SPON1: variants seen among roughly 807,000 people sequenced by gnomAD.
SPON1 encodes spondin 1, also known as spondin-1.
SPON1 carries 52 observed loss-of-function variants against 111.7 expected under a neutral mutation model. That is an observed-to-expected ratio of 0.47 (90% confidence interval 0.37 to 0.59). The LOEUF (loss-of-function observed/expected upper bound fraction) is 0.59, where lower values mean the gene tolerates loss of function less well. SPON1 is among the 20% of genes least tolerant of loss of function. The pLI is 0.00. For synonymous variants in SPON1, 410 were observed against 395.8 expected (o/e 1.04, Z -0.43); for missense variants, 957 against 1,068.5 (o/e 0.90, Z 1.46).
rs1388977371 is a variant in SPON1 at position 14,228,731 on chromosome 11, A to G, written c.826-14601A>G. Among the ~76,000 whole-genome samples, 1 of 152,166 alleles carries G rather than the reference A, an allele frequency of 6.6e-6. No homozygotes were observed. Among genetic ancestry groups the G allele is most frequent in the Middle Eastern group, 3.2e-3 (1 of 316 alleles). ...AAGTAAGTCCTTCACTCCTGAAGAGAGATCTGGACAGAGCGTCACATTGTC... is the reference window on the plus strand; with the variant it reads ...AAGTAAGTCCTTCACTCCTGAAGAGGGATCTGGACAGAGCGTCACATTGTC... On this transcript the variant is annotated intron_variant, in intron 6 of 15. Coordinates refer to ENST00000576479, the MANE Select transcript of SPON1 (RefSeq NM_006108.4). This position sits in a 1 kb window ranked among gnomAD's most constrained non-coding sequence, Gnocchi z 4.2.
Position 14,197,648 on chromosome 11 carries a change from C to CAAA in SPON1, c.826-45668_826-45666dup, listed in dbSNP as rs11343423. Among the ~76,000 whole-genome samples the CAAA allele has an allele frequency of 8.7e-3, 1,039 of 119,878 alleles. 10 individuals are homozygous for CAAA. The highest frequency in any genetic ancestry group is 0.013 in the Middle Eastern group (3 of 230). The allele number at this position is 119,878 out of a possible 152,430, so 78.6% of individuals were successfully genotyped here. ...TGGAACCGCACCTCTACTAAATATA[C>CAAA]AAAAAAAAAAAAAAAAAATTAGCTG... On this transcript the variant is annotated intron_variant, in intron 6 of 15. Transcript: ENST00000576479.
At chr11:14,207,860 C>T (rs1450671795) in intron 6 of SPON1, among the ~76,000 whole-genome samples, 3 of 152,132 alleles carry the variant, frequency 2.0e-5, no homozygotes, top group Non-Finnish European at 2.9e-5. Context: ...TGGGTATATA[C>T]CCAAAAGAAT....
chr11:14,249,412 G>C (rs1237806347), intron 7 of SPON1, among the ~76,000 whole-genome samples: 1 of 152,194 alleles, frequency 6.6e-6, no homozygotes, highest in Non-Finnish European at 1.5e-5. Flanking sequence ...GATGGACCTG[G>C]AGTCCTAGAT....
chr11:13,978,287 G>A (rs1848118008), intron 1 of SPON1, among the ~76,000 whole-genome samples: 2 of 152,078 alleles, frequency 1.3e-5, no homozygotes, highest in Admixed American at 1.3e-4. Context: ...ATCACAAAGA[G>A]CATACTGGGA....
intron 3 of SPON1, among the ~76,000 whole-genome samples, chr11:14,071,763 G>A (rs955593897): frequency 7.2e-5 from 11 of 152,062 alleles, no homozygotes; most frequent in African/African-American, 2.7e-4. Flanking sequence ...CCAGGCTGGA[G>A]TTCAGTGGTG....
chr11:14,025,083 A>G (rs1449180420), intron 2 of SPON1, among the ~76,000 whole-genome samples: 2 of 152,126 alleles, frequency 1.3e-5, no homozygotes, highest in African/African-American at 4.8e-5. Context: ...AAAGTAAGAG[A>G]CTGGGGGTGC....
At chr11:14,009,891 G>T (rs532956308) in intron 2 of SPON1, among the ~76,000 whole-genome samples, 1 of 152,128 alleles carries the variant, frequency 6.6e-6, no homozygotes. Flanking sequence ...ACTTCCCAAA[G>T]GTTCCACCAC....
At chr11:14,129,239 A>G (rs1445921010) in intron 5 of SPON1, among the ~76,000 whole-genome samples, 2 of 152,140 alleles carry the variant, frequency 1.3e-5, no homozygotes, top group African/African-American at 4.8e-5. Context: ...TCCCTTTTAA[A>G]CATAAGTTCC....
chr11:14,062,414 A>G (rs539765117), intron 3 of SPON1, among the ~76,000 whole-genome samples: 20 of 152,338 alleles, frequency 1.3e-4, no homozygotes, highest in African/African-American at 4.8e-4. Flanking sequence ...GAAGGGTACT[A>G]GACACATGGA....
At chr11:14,091,779 G>A (rs1849060599) in intron 5 of SPON1, among the ~76,000 whole-genome samples, 1 of 152,226 alleles carries the variant, frequency 6.6e-6, no homozygotes, top group South Asian at 2.1e-4. Context: ...GGCTCCCACA[G>A]TGCAGTGGGG....
At chr11:14,225,833 A>T (rs1554938086) in intron 6 of SPON1, among the ~76,000 whole-genome samples, 1 of 152,238 alleles carries the variant, frequency 6.6e-6, no homozygotes, top group Admixed American at 6.5e-5. Context: ...CGTGATGTTT[A>T]AGAGAACTGC....
At chr11:14,010,010 G>A (rs1213583083) in intron 2 of SPON1, among the ~76,000 whole-genome samples, 5 of 152,188 alleles carry the variant, frequency 3.3e-5, no homozygotes, top group Non-Finnish European at 7.3e-5. Flanking sequence ...GAGGACAGGG[G>A]CCACTATATT....
chr11:14,134,683 C>G (rs1198026116), intron 5 of SPON1, among the ~76,000 whole-genome samples: 1 of 152,210 alleles, frequency 6.6e-6, no homozygotes, highest in Non-Finnish European at 1.5e-5. Context: ...TTGCTTACCT[C>G]TCCAGCTCTC....
rs542265823 is a variant in SPON1, at chr11:14,136,560, C to A, written c.825+992C>A. 1.1e-4 allele frequency among the ~76,000 whole-genome samples: 16 copies of A among 152,298 alleles called. No individual in the cohort carries two copies. In the East Asian group the frequency reaches 2.9e-3, roughly 28 times the overall value. ...CAGCAGGGCAAGCACAGCTGAGGCC[C>A]GCAGTGTTCCCCACCATCTGGACTC... On this transcript the variant is annotated intron_variant, in intron 6 of 15. Coordinates refer to ENST00000576479, the MANE Select transcript of SPON1 (RefSeq NM_006108.4).
chr11:14,135,620 A>G lies in SPON1; in HGVS notation c.825+52A>G. On this transcript the variant is annotated intron_variant, in intron 6 of 15. Transcript: ENST00000576479. This position sits in a 1 kb window ranked among gnomAD's most constrained non-coding sequence, Gnocchi z 4.4. ...CAAATAACAGAAATGCAGTCAAAGC[A>G]CTCCTTAGATATCTTTCCCAGGGGC... The G allele has an allele frequency of 1.3e-6, 2 of 1,571,834 alleles. No individual in the cohort carries two copies. Among genetic ancestry groups the G allele is most frequent in the South Asian group, 2.3e-5 (2 of 87,224 alleles).
intron 6 of SPON1, among the ~76,000 whole-genome samples, chr11:14,216,973 G>A (rs1053638179): frequency 6.6e-6 from 1 of 152,228 alleles, no homozygotes; most frequent in South Asian, 2.1e-4. Context: ...TTACTATGAG[G>A]CAGATATAGC....
chr11:14,123,915 C>T (rs552669832), intron 5 of SPON1, among the ~76,000 whole-genome samples: 4 of 152,276 alleles, frequency 2.6e-5, no homozygotes, highest in Admixed American at 6.5e-5. Context: ...TTCCAACATC[C>T]GAAAACTGGT....
chr11:14,188,373 T>C (rs961705331), intron 6 of SPON1, among the ~76,000 whole-genome samples: 20 of 152,264 alleles, frequency 1.3e-4, no homozygotes, highest in African/African-American at 4.6e-4. Flanking sequence ...TTCCCTCCTA[T>C]ACAATGAAGA....
intron 6 of SPON1, among the ~76,000 whole-genome samples, chr11:14,169,856 T>G (rs1461859843): frequency 1.3e-5 from 2 of 152,166 alleles, no homozygotes; most frequent in Non-Finnish European, 1.5e-5. Context: ...TTGGTCTATA[T>G]CTCTGTTTTG....
Sources: gnomAD v4.1 joint callset for allele counts (sites outside exome capture counted in the v4.1 genomes callset) on GRCh38, gnomAD v4.1.1 for gene constraint, Gnocchi (gnomAD v3.1) non-coding constraint, MANE v1.5 for transcripts, NCBI Gene and HGNC (gene_info 2026-07-23, HGNC 2026-07-21) for gene names.